TAF8: variants seen among roughly 807,000 people sequenced by gnomAD.
The protein encoded by TAF8 is transcription initiation factor TFIID subunit 8.
In TAF8, 47 loss-of-function variants were observed where a neutral mutation model predicts 36.5. The ratio of observed to expected loss-of-function variants is 1.29; its 90% CI spans 1.02 to 1.64. TAF8 has a LOEUF of 1.64. TAF8 is among the 40% of genes most tolerant of loss of function. TAF8 has a pLI of 0.00. For synonymous variants in TAF8, 175 were observed against 159.5 expected (o/e 1.10, Z -0.73); for missense variants, 420 against 407.6 (o/e 1.03, Z -0.26).
chr6:42,074,436 G>A (rs538837602), intron 7 of TAF8, among the ~76,000 whole-genome samples: 2 of 152,310 alleles, frequency 1.3e-5, no homozygotes, highest in South Asian at 4.1e-4. Context: ...CACCACAGAG[G>A]GTGTAGGCCT....
chr6:42,078,400 A>G lies in TAF8; in HGVS notation c.*855A>G, dbSNP rs1957446748. The stretch of plus-strand genomic sequence containing the variant: ...TCTGGATCCCTTTTATTGACTCACA[A>G]TTTGTGGCACCACTTTCTCATCCCA... On this transcript the variant is annotated 3_prime_UTR_variant, in exon 9 of 9. Coordinates refer to ENST00000372977, the MANE Select transcript of TAF8 (RefSeq NM_138572.3). The G allele has an allele frequency of 4.1e-6, 4 of 985,252 alleles. No homozygotes were observed. The highest frequency in any genetic ancestry group is 3.5e-5 in the African/African-American group (2 of 57,202). The allele number at this position is 985,252 out of a possible 1,614,324, so 61.0% of individuals were successfully genotyped here. A position where few individuals can be genotyped will look rare whatever the true frequency, so the allele number is the denominator to read the frequency against.
downstream of TAF8, chr6:42,087,253 G>A (rs1766044310): frequency 6.2e-6 from 1 of 160,916 alleles, no homozygotes; most frequent in East Asian, 1.8e-4. Context: ...GCCCTGCACA[G>A]TGCCTCACCC....
At chr6:42,066,508 A>G in intron 6 of TAF8, 49 bp downstream of exon 6, 2 of 1,597,764 alleles carry the variant, frequency 1.3e-6, no homozygotes, top group Non-Finnish European at 1.7e-6. Flanking sequence ...AAACACTCAC[A>G]TTATCTTTTC....
At position 42,055,607 on chromosome 6, in the gene TAF8, C is replaced by T. The variant is rs748971409; in HGVS notation, c.279C>T (p.Ile93=). ...TARTQPTLSD[I]VVTLVEMGFN... is the part of the protein sequence containing the mutation. ...GGACCCAGCCCACACTGTCCGATAT[C>T]GTGGTCACACTTGTTGAGATGGGTG... The change falls in exon 3 of 9, where the codon ATC becomes ATT. Residue 93 remains isoleucine, a synonymous_variant. Transcript: ENST00000372977. 22 of 1,614,030 alleles carry T rather than the reference C, an allele frequency of 1.4e-5. No individual in the cohort carries two copies. Among genetic ancestry groups the T allele is most frequent in the African/African-American group, 5.3e-5 (4 of 74,928 alleles).
At position 42,081,685 on chromosome 6, in the gene TAF8, T is replaced by G. The variant is rs1225864205; in HGVS notation, c.*4140T>G. 1 of 151,988 alleles carries G rather than the reference T, an allele frequency of 6.6e-6. No individual in the cohort carries two copies. The highest frequency in any genetic ancestry group is 1.5e-5 in the Non-Finnish European group (1 of 68,052). The allele number at this position is 151,988 out of a possible 1,614,324, so 9.4% of individuals were successfully genotyped here. A position where few individuals can be genotyped will look rare whatever the true frequency, so the allele number is the denominator to read the frequency against. On this transcript the variant is annotated 3_prime_UTR_variant, in exon 9 of 9. Transcript: ENST00000372977. ...CACCTGGCCTAATTTTTTTGTAGGT[T>G]TAGTAGAGATGGGGTTTCACCATGT...
intron 7 of TAF8, among the ~76,000 whole-genome samples, chr6:42,073,624 T>C (rs1765656220): frequency 6.6e-6 from 1 of 152,002 alleles, no homozygotes; most frequent in Admixed American, 6.6e-5. Context: ...GGAAGAGTGT[T>C]CTGGCAGAGG....
At chr6:42,068,144 A>G (rs1197729300) in intron 6 of TAF8, among the ~76,000 whole-genome samples, 1 of 152,090 alleles carries the variant, frequency 6.6e-6, no homozygotes, top group African/African-American at 2.4e-5. Flanking sequence ...TTTCCATCTT[A>G]TCTCAGTTGT....
chr6:42,059,338 G>T (rs891576992), intron 5 of TAF8, among the ~76,000 whole-genome samples: 31 of 151,408 alleles, frequency 2.0e-4, no homozygotes, highest in Admixed American at 1.2e-3. Context: ...AGCCGTGATT[G>T]CACCATTGCA....
Position 42,081,246 on chromosome 6 carries a change from GGCCCACTGCAACTTCT to G in TAF8, c.*3705_*3720del, listed in dbSNP as rs1247806552. On this transcript the variant is annotated 3_prime_UTR_variant, in exon 9 of 9. Coordinates refer to ENST00000372977, the MANE Select transcript of TAF8 (RefSeq NM_138572.3). Reference sequence around the variant, plus strand: ...CGCTGGAGTGCAATGGTGCAATCTTGGCCCACTGCAACTTCTGCCTCCCGGGTTCAAATGATTCTAC... The same window carrying G: ...CGCTGGAGTGCAATGGTGCAATCTTGGCCTCCCGGGTTCAAATGATTCTAC... The G allele has an allele frequency of 6.6e-6, 1 of 152,220 alleles. No individual in the cohort carries two copies. Among genetic ancestry groups the G allele is most frequent in the Non-Finnish European group, 1.5e-5 (1 of 68,252 alleles). 9.4% of individuals were successfully genotyped at this position (152,220 alleles called of 1,614,324 possible).
chr6:42,079,213 G>C lies in TAF8; in HGVS notation c.*1668G>C. On this transcript the variant is annotated 3_prime_UTR_variant, in exon 9 of 9. Coordinates refer to ENST00000372977, the MANE Select transcript of TAF8 (RefSeq NM_138572.3). Reference sequence around the variant, plus strand: ...AGGGCTGGGCCTCATCTTGTATTCTGAAAGCTGAGAAACGGCTGGTCAGCT... The same window carrying C: ...AGGGCTGGGCCTCATCTTGTATTCTCAAAGCTGAGAAACGGCTGGTCAGCT... The C allele has an allele frequency of 1.0e-6, 1 of 985,638 alleles. No homozygotes were observed. Among genetic ancestry groups the C allele is most frequent in the Non-Finnish European group, 1.2e-6 (1 of 829,970 alleles). 61.1% of individuals were successfully genotyped at this position (985,638 alleles called of 1,614,324 possible).
At chr6:42,051,236 T>C (rs560154046) in intron 1 of TAF8, 121 bp from the exon 2 acceptor site, 2 of 1,329,384 alleles carry the variant, frequency 1.5e-6, no homozygotes, top group Admixed American at 4.6e-5. Flanking sequence ...AATCTAAACA[T>C]TAAGCACTGA....
intron 5 of TAF8, among the ~76,000 whole-genome samples, chr6:42,060,219 T>C (rs1765143801): frequency 6.6e-6 from 1 of 152,196 alleles, no homozygotes; most frequent in Non-Finnish European, 1.5e-5. Context: ...GAATTTAGTC[T>C]AAACTGCAGA....
chr6:42,057,892 C>T, intron 5 of TAF8: 1 of 247,774 alleles, frequency 4.0e-6, no homozygotes. Context: ...AAGCTGGCCC[C>T]AGTATTGCCT....
chr6:42,055,659 G>A (rs757091920), intron 3 of TAF8, 30 bp downstream of exon 3: 20 of 1,520,516 alleles, frequency 1.3e-5, no homozygotes, highest in African/African-American at 5.5e-5. Flanking sequence ...CCAGTTCTTC[G>A]ATGCAACTGG....
chr6:42,083,533 T>C (rs563062445), downstream of TAF8, among the ~76,000 whole-genome samples: 39 of 151,802 alleles, frequency 2.6e-4, no homozygotes, highest in Non-Finnish European at 4.9e-4. Context: ...GCTACTCTGA[T>C]AGATAGAACA....
Position 42,081,103 on chromosome 6 carries a change from C to A in TAF8, c.*3558C>A. The A allele has an allele frequency of 3.2e-6, 1 of 314,924 alleles. No individual in the cohort carries two copies. The highest frequency in any genetic ancestry group is 4.6e-6 in the Non-Finnish European group (1 of 217,544). The allele number at this position is 314,924 out of a possible 1,614,324, so 19.5% of individuals were successfully genotyped here. ...TGCCTCATCAAGCTTCCACACTTGT[C>A]AGTAGCTTGTTGATTCTGTTTCATC... On this transcript the variant is annotated 3_prime_UTR_variant, in exon 9 of 9. Transcript: ENST00000372977.
In TAF8 at chr6:42,055,633, A is replaced by T; in HGVS notation, c.301+4A>T. On this transcript the variant is annotated splice_donor_region_variant and intron_variant, in intron 3 of 8. Transcript: ENST00000372977. Reference sequence around the variant, plus strand: ...GTGGTCACACTTGTTGAGATGGGTGAGTATACCTTCAGTTTCCAGTTCTTC... The same window carrying T: ...GTGGTCACACTTGTTGAGATGGGTGTGTATACCTTCAGTTTCCAGTTCTTC... 6.2e-7 allele frequency: 1 copy of T among 1,611,162 alleles called. No individual in the cohort carries two copies.
chr6:42,055,433 T>G, intron 2 of TAF8, 98 bp from the exon 3 acceptor site: 1 of 795,688 alleles, frequency 1.3e-6, no homozygotes, highest in Admixed American at 2.0e-5. Flanking sequence ...TTCATTTATG[T>G]ATATACCTAG....
At chr6:42,063,978 A>C (rs1426586235) in intron 5 of TAF8, among the ~76,000 whole-genome samples, 1 of 152,216 alleles carries the variant, frequency 6.6e-6, no homozygotes, top group Admixed American at 6.5e-5. Context: ...ATCTAAGATT[A>C]GTTTATTTTG....
Sources: allele counts gnomAD v4.1 joint callset (sites outside exome capture counted in the v4.1 genomes callset), GRCh38; gene constraint gnomAD v4.1.1; transcripts MANE v1.5; gene names NCBI Gene and HGNC (gene_info 2026-07-23, HGNC 2026-07-21).